PLA2G4C: variants seen among roughly 807,000 people sequenced by gnomAD.
PLA2G4C encodes the protein cytosolic phospholipase A2 gamma.
In PLA2G4C, 64 loss-of-function variants were observed where a neutral mutation model predicts 73.8. That is an observed-to-expected ratio of 0.87 (90% CI 0.71 to 1.07). The LOEUF is 1.07. Among genes scored for constraint, PLA2G4C ranks in the 50% least tolerant of loss-of-function variants. The pLI is 0.00. For missense variants in PLA2G4C, 622 were observed against 665.4 expected, an observed-to-expected ratio of 0.93 and a Z score of 0.72; for synonymous variants, 254 against 252.1, an observed-to-expected ratio of 1.01 and a Z score of -0.07.
Position 48,054,987 on chromosome 19 carries a change from C to T in PLA2G4C, c.1320G>A (p.Glu440=), listed in dbSNP as rs764040203. The T allele has an allele frequency of 6.2e-7, 1 of 1,613,656 alleles. No individual in the cohort carries two copies. The change falls in exon 15 of 17, where the codon GAG becomes GAA. Residue 440 remains glutamate (E), a synonymous_variant. Coordinates refer to ENST00000599921, the MANE Select transcript of PLA2G4C (RefSeq NM_003706.3). Reference sequence around the variant, plus strand: ...CCTTGGACCACAAATCCAGCTCAGCCTCTTCTACTTGGGGAAAGGGGATCT... The same window carrying T: ...CCTTGGACCACAAATCCAGCTCAGCTTCTTCTACTTGGGGAAAGGGGATCT... The part of the protein sequence containing the change: ...RHKIPFPQVE[E]AELDLWSKAP...
Position 48,110,485 on chromosome 19 carries a change from G to A in PLA2G4C, c.29+2C>T. ...ACAGCCCTCCCTGCCCCCACGGCTT[G>A]CCTGAGCCTGGGTCTGGGGCGTGTG... is the stretch of plus-strand genomic sequence containing the variant. On this transcript the variant is annotated splice_donor_variant, in intron 1 of 16. Transcript: ENST00000599111. LOFTEE classifies it low-confidence loss of function (GC_TO_GT_DONOR). 6.8e-7 allele frequency: 1 copy of A among 1,475,384 alleles called. No individual in the cohort carries two copies. Among genetic ancestry groups the A allele is most frequent in the East Asian group, 3.0e-5 (1 of 33,670 alleles). 91.4% of individuals were successfully genotyped at this position (1,475,384 alleles called of 1,614,324 possible).
chr19:48,068,642 T>G (rs964043702), intron 12 of PLA2G4C, among the ~76,000 whole-genome samples: 3 of 151,432 alleles, frequency 2.0e-5, no homozygotes, highest in Non-Finnish European at 4.4e-5. Context: ...AAGTGAACTA[T>G]GTATGATTGT....
In PLA2G4C at chr19:48,092,589, A is replaced by G. The variant is rs148120695; in HGVS notation, c.710-2172T>C. Reference sequence around the variant, plus strand: ...TGATTCAGCCATAAAAAGAAAGGAAATTCAGACACATGGTACAACATGGAT... The same window carrying G: ...TGATTCAGCCATAAAAAGAAAGGAAGTTCAGACACATGGTACAACATGGAT... On this transcript the variant is annotated intron_variant, in intron 7 of 16. Coordinates refer to ENST00000599921, the MANE Select transcript of PLA2G4C (RefSeq NM_003706.3). Among the ~76,000 whole-genome samples, 298 of 152,346 alleles carry G rather than the reference A, an allele frequency of 2.0e-3. 1 individual carries two copies. The highest frequency in any genetic ancestry group is 6.8e-3 in the African/African-American group (281 of 41,580).
At chr19:48,091,165 T>G (rs2031275172) in intron 7 of PLA2G4C, among the ~76,000 whole-genome samples, 1 of 152,044 alleles carries the variant, frequency 6.6e-6, no homozygotes, top group Non-Finnish European at 1.5e-5. Context: ...GCTAAACCAA[T>G]GTCACCAGCC....
In PLA2G4C at chr19:48,090,345, C is replaced by T. The variant is rs1357760835; in HGVS notation, c.763+19G>A. On this transcript the variant is annotated intron_variant, in intron 8 of 16. Transcript: ENST00000599921. ...AAAATATCTCTAGGGTTTGACCTTTCTGTTCCCCAAATACTCACCAAAAAT... is the reference window on the plus strand; with the variant it reads ...AAAATATCTCTAGGGTTTGACCTTTTTGTTCCCCAAATACTCACCAAAAAT... 13 of 1,576,844 alleles carry T rather than the reference C, an allele frequency of 8.2e-6. No individual in the cohort carries two copies. Among genetic ancestry groups the T allele is most frequent in the South Asian group, 1.1e-5 (1 of 90,192 alleles).
intron 12 of PLA2G4C, 101 bp from the exon 13 acceptor site, chr19:48,067,987 G>A: frequency 1.2e-6 from 1 of 841,294 alleles, no homozygotes; most frequent in Non-Finnish European, 2.1e-6. Context: ...CCATGGGGTT[G>A]TATCTGGAGA....
intron 12 of PLA2G4C, 56 bp downstream of exon 12, chr19:48,074,711 G>A: frequency 8.5e-7 from 1 of 1,177,818 alleles, no homozygotes; most frequent in South Asian, 1.2e-5. Context: ...AGCAAGAGGG[G>A]GGAGAAGGTT....
chr19:48,089,508 C>T (rs914555627), intron 8 of PLA2G4C, among the ~76,000 whole-genome samples: 16 of 152,084 alleles, frequency 1.1e-4, no homozygotes, highest in African/African-American at 3.1e-4. Context: ...AAATGAATGA[C>T]GAGTGGTTTA....
At chr19:48,100,601 T>C (rs561872230) in intron 4 of PLA2G4C, among the ~76,000 whole-genome samples, 1 of 67,736 alleles carries the variant, frequency 1.5e-5, no homozygotes, top group South Asian at 5.1e-4. Context: ...CGTGACTCCA[T>C]CTAAAAAAAA....
At position 48,099,709 on chromosome 19, in the gene PLA2G4C, A is replaced by T; in HGVS notation, c.409T>A (p.Phe137Ile). The T allele has an allele frequency of 6.2e-7, 1 of 1,614,106 alleles. No homozygotes were observed. Among genetic ancestry groups the T allele is most frequent in the Non-Finnish European group, 8.5e-7 (1 of 1,180,014 alleles). ...TTAGAGATAACCATGTAGGCCCAGA[A>T]GTCGGTCAGAGAGTAATTCTCAGAC... Reference protein sequence around the residue: ...ARSENYSLTDFWAYMVISKQT... With the variant: ...ARSENYSLTDIWAYMVISKQT... The change falls in exon 5 of 17, where the codon TTC (phenylalanine) becomes ATC (isoleucine). Residue 137 changes from phenylalanine to isoleucine, a missense_variant. Transcript: ENST00000599921.
chr19:48,057,218 A>G (rs1359902401), intron 14 of PLA2G4C, among the ~76,000 whole-genome samples: 5 of 152,156 alleles, frequency 3.3e-5, no homozygotes, highest in Non-Finnish European at 7.3e-5. Flanking sequence ...TGATCTCAAG[A>G]AAAAGGGCAT....
At chr19:48,055,280 C>A (rs1170981584) in intron 14 of PLA2G4C, among the ~76,000 whole-genome samples, 1 of 151,460 alleles carries the variant, frequency 6.6e-6, no homozygotes, top group Non-Finnish European at 1.5e-5. Context: ...TAGAGAGTAA[C>A]CTTTGGGGCT....
At chr19:48,096,694 C>T (rs571063841) in intron 6 of PLA2G4C, 1 of 152,344 alleles carries the variant, frequency 6.6e-6, no homozygotes, top group African/African-American at 2.4e-5. Context: ...ATCGTGAGAA[C>T]TTACCAGGAC....
chr19:48,097,490 G>T (rs542464253), intron 6 of PLA2G4C, among the ~76,000 whole-genome samples: 1 of 151,696 alleles, frequency 6.6e-6, no homozygotes, highest in East Asian at 2.0e-4. Context: ...CTGACCTCGT[G>T]ATCCACCCGC....
intron 12 of PLA2G4C, among the ~76,000 whole-genome samples, chr19:48,073,249 T>G (rs1299055785): frequency 1.3e-5 from 2 of 151,918 alleles, no homozygotes; most frequent in Admixed American, 1.3e-4. Flanking sequence ...GGGGTCTTGC[T>G]ATGTTGCCCA....
At chr19:48,071,951 G>A (rs985568435) in intron 12 of PLA2G4C, among the ~76,000 whole-genome samples, 16 of 151,806 alleles carry the variant, frequency 1.1e-4, no homozygotes, top group African/African-American at 3.9e-4. Context: ...TTCAAGACCA[G>A]CCTGGCCAAT....
chr19:48,057,687 G>A (rs976024604), intron 14 of PLA2G4C, among the ~76,000 whole-genome samples: 9 of 149,510 alleles, frequency 6.0e-5, no homozygotes, highest in Admixed American at 2.7e-4. Context: ...ACAGGGTTTC[G>A]CCATGTTGGC....
chr19:48,067,994 G>A (rs1218306193), intron 12 of PLA2G4C, 108 bp from the exon 13 acceptor site: 1 of 815,552 alleles, frequency 1.2e-6, no homozygotes, highest in East Asian at 2.4e-5. Context: ...GTTGTATCTG[G>A]AGACAGGACT....
intron 13 of PLA2G4C, among the ~76,000 whole-genome samples, chr19:48,066,673 G>A (rs1968434879): frequency 6.6e-6 from 1 of 151,994 alleles, no homozygotes; most frequent in Non-Finnish European, 1.5e-5. Flanking sequence ...TAACAAAAGA[G>A]TGGGGAAGGC....
Sources: gnomAD v4.1 joint callset for allele counts (sites outside exome capture counted in the v4.1 genomes callset) on GRCh38, gnomAD v4.1.1 for gene constraint, MANE v1.5 for transcripts, NCBI Gene and HGNC (gene_info 2026-07-23, HGNC 2026-07-21) for gene names.